The following TMEM184B variants were observed in gnomAD, a reference collection of about 807,000 sequenced individuals.
TMEM184B encodes the protein transmembrane protein 184B, also known as putative MAPK-activating protein FM08.
A neutral mutation model predicts 41.8 loss-of-function variants in TMEM184B; 17 were observed. The ratio of observed to expected loss-of-function variants is 0.41; its 90% CI spans 0.28 to 0.61. The LOEUF is 0.61. Among genes scored for constraint, TMEM184B ranks in the 20% least tolerant of loss-of-function variants. TMEM184B has a pLI of 0.34. For missense variants in TMEM184B, 393 were observed against 557.8 expected (o/e 0.70, Z 2.98); for synonymous variants, 240 against 229.5 (o/e 1.05, Z -0.41).
At chr22:38,265,621 T>C (rs1237751823) in intron 1 of TMEM184B, among the ~76,000 whole-genome samples, 2 of 152,204 alleles carry the variant, frequency 1.3e-5, no homozygotes, top group Non-Finnish European at 2.9e-5. Flanking sequence ...CATAAAACCA[T>C]ATATTTGAAA....
chr22:38,247,802 C>T lies in TMEM184B; in HGVS notation c.160G>A (p.Val54Met), dbSNP rs768457381. 35 of 1,613,790 alleles carry T rather than the reference C, an allele frequency of 2.2e-5. No individual in the cohort carries two copies. The highest frequency in any genetic ancestry group is 2.7e-5 in the African/African-American group (2 of 74,906). Reference protein sequence around the residue: ...TAAQAISGFFVWTALLITCHQ... With the variant: ...TAAQAISGFFMWTALLITCHQ... ...CATGTGATGAGCAGGGCCGTCCACA[C>T]GAAGAAGCCAGAGATGGCCTGAGCG... is the stretch of plus-strand genomic sequence containing the variant. The change falls in exon 2 of 9, where the codon GTG becomes ATG. Residue 54 changes from valine to methionine, a missense_variant. Transcript: ENST00000361906.
intron 3 of TMEM184B, among the ~76,000 whole-genome samples, chr22:38,235,194 A>C (rs1422495252): frequency 6.6e-6 from 1 of 152,062 alleles, no homozygotes; most frequent in Non-Finnish European, 1.5e-5. Flanking sequence ...GGGACACCCC[A>C]CTCTCATTCC....
At chr22:38,267,494 G>C (rs912479144) in intron 1 of TMEM184B, among the ~76,000 whole-genome samples, 1 of 150,222 alleles carries the variant, frequency 6.7e-6, no homozygotes, top group African/African-American at 2.5e-5. Context: ...GTGCAATGGC[G>C]TAGTCTCAGC....
In TMEM184B at chr22:38,257,845, T is replaced by G. The variant is rs138709534; in HGVS notation, c.-58-9826A>C. ...GATAGGGCTGTGTGATCCAAGGAAG[T>G]TTGGAGAGCAGTGCTATAGTGATAG... is the stretch of plus-strand genomic sequence containing the variant. On this transcript the variant is annotated intron_variant, in intron 1 of 8. Transcript: ENST00000361906. Among the ~76,000 whole-genome samples, 103 of 152,270 alleles carry G rather than the reference T, an allele frequency of 6.8e-4. 1 individual carries two copies. The East Asian group carries it at 0.019, about 28-fold the overall frequency.
intron 1 of TMEM184B, among the ~76,000 whole-genome samples, chr22:38,270,971 C>G (rs1376405445): frequency 6.6e-6 from 1 of 152,204 alleles, no homozygotes; most frequent in Non-Finnish European, 1.5e-5. Context: ...AGAACTAGGA[C>G]AAGTGGCTCA....
intron 1 of TMEM184B, among the ~76,000 whole-genome samples, chr22:38,266,924 AT>A (rs1252898522): frequency 1.3e-5 from 2 of 152,124 alleles, no homozygotes; most frequent in African/African-American, 2.4e-5. Context: ...TCTACTAAAA[AT>A]ACAAAAAATT....
Position 38,225,342 on chromosome 22 carries a change from G to A in TMEM184B, c.787+82C>T. 1 of 1,473,458 alleles carries A rather than the reference G, an allele frequency of 6.8e-7. No homozygotes were observed. Among genetic ancestry groups the A allele is most frequent in the East Asian group, 2.4e-5 (1 of 41,726 alleles). The allele number at this position is 1,473,458 out of a possible 1,614,324, so 91.3% of individuals were successfully genotyped here. ...CTCTGAACAGGCCCTACAGGCACCA[G>A]GGACCATAAGCAGAAGGGGCAGCAG... On this transcript the variant is annotated intron_variant, in intron 7 of 8. Transcript: ENST00000361906. The surrounding 1 kb of genome is among the most constrained non-coding windows in gnomAD (Gnocchi z 4.4).
At chr22:38,229,201 G>A (rs942351510) in intron 5 of TMEM184B, among the ~76,000 whole-genome samples, 2 of 152,234 alleles carry the variant, frequency 1.3e-5, no homozygotes, top group Non-Finnish European at 1.5e-5. Context: ...ATGTACTTTC[G>A]TGACTACTCT....
rs118076075 is a variant in TMEM184B, at chr22:38,233,590, C to G, written c.359-2256G>C. On this transcript the variant is annotated intron_variant, in intron 3 of 8. Transcript: ENST00000361906. ...CAAGTCTCCACCAATCTCCAGATGA[C>G]TCTTCACCAGCAAGAACTATGGGGC... Among the ~76,000 whole-genome samples the G allele has an allele frequency of 1.4e-4, 21 of 152,300 alleles. No individual in the cohort carries two copies. The East Asian group carries it at 3.5e-3, about 25-fold the overall frequency.
intron 3 of TMEM184B, among the ~76,000 whole-genome samples, chr22:38,234,068 C>T (rs2091707127): frequency 1.3e-5 from 1 of 78,504 alleles, no homozygotes; most frequent in Admixed American, 1.5e-4. Flanking sequence ...CGCGCCCGGC[C>T]GACGGTTGCA....
chr22:38,246,672 A>C lies in TMEM184B; in HGVS notation c.193-572T>G, dbSNP rs2092038130. On this transcript the variant is annotated intron_variant, in intron 2 of 8. Transcript: ENST00000361906. ...GTTGTGCCTCCTCCTCCCATCTGGT[A>C]AACAGAGGCAGCACCACTGCTGCTC... 11 of 591,158 alleles carry C rather than the reference A, an allele frequency of 1.9e-5. No homozygotes were observed. In the South Asian group the frequency reaches 2.6e-4, roughly 14 times the overall value. The allele number at this position is 591,158 out of a possible 1,614,324, so 36.6% of individuals were successfully genotyped here.
At position 38,219,662 on chromosome 22, in the gene TMEM184B, C is replaced by T; in HGVS notation, c.*1807G>A. 1 of 985,564 alleles carries T rather than the reference C, an allele frequency of 1.0e-6. No homozygotes were observed. The highest frequency in any genetic ancestry group is 1.2e-6 in the Non-Finnish European group (1 of 829,960). The allele number at this position is 985,564 out of a possible 1,614,324, so 61.1% of individuals were successfully genotyped here. On this transcript the variant is annotated 3_prime_UTR_variant, in exon 9 of 9. Transcript: ENST00000361906. ...CACTGAGCTCCCCCCACCCTCCACGCAAACAGCAACGCTGGGCAGGCGAAA... is the reference window on the plus strand; with the variant it reads ...CACTGAGCTCCCCCCACCCTCCACGTAAACAGCAACGCTGGGCAGGCGAAA...
chr22:38,269,964 T>C (rs1211899585), intron 1 of TMEM184B, among the ~76,000 whole-genome samples: 2 of 152,156 alleles, frequency 1.3e-5, no homozygotes, highest in Non-Finnish European at 2.9e-5. Flanking sequence ...GGGATGGTAA[T>C]ACTGCCCCAT....
intron 8 of TMEM184B, among the ~76,000 whole-genome samples, chr22:38,224,335 C>T (rs1455295111): frequency 1.3e-5 from 2 of 152,158 alleles, no homozygotes; most frequent in East Asian, 3.8e-4. Context: ...AGGATGGTCT[C>T]GATCTCCTGA....
In TMEM184B at chr22:38,225,412, G is replaced by A; in HGVS notation, c.787+12C>T. ...GGCATGGGCAGCCTCCAGGTGCTGG[G>A]AGGGGGCTCACCTTGCCAGAAGGAA... On this transcript the variant is annotated intron_variant, in intron 7 of 8. Coordinates refer to ENST00000361906, the MANE Select transcript of TMEM184B (RefSeq NM_012264.5). The surrounding 1 kb of genome is among the most constrained non-coding windows in gnomAD (Gnocchi z 4.4). 2 of 1,547,638 alleles carry A rather than the reference G, an allele frequency of 1.3e-6. No individual in the cohort carries two copies. The highest frequency in any genetic ancestry group is 1.7e-6 in the Non-Finnish European group (2 of 1,150,308).
At position 38,220,599 on chromosome 22, in the gene TMEM184B, AAGAG is replaced by A. The variant is rs1272758910; in HGVS notation, c.*866_*869del. 3 of 986,028 alleles carry A rather than the reference AAGAG, an allele frequency of 3.0e-6. No individual in the cohort carries two copies. The highest frequency in any genetic ancestry group is 1.1e-4 in the East Asian group (1 of 8,820). 61.1% of individuals were successfully genotyped at this position (986,028 alleles called of 1,614,324 possible). ...CCTGAAACGGGAGGGAGAAGCCCCAAAGAGAGAGAGGACCCAGCATCAGCCTGGG... is the reference window on the plus strand; with the variant it reads ...CCTGAAACGGGAGGGAGAAGCCCCAAAGAGAGGACCCAGCATCAGCCTGGG... On this transcript the variant is annotated 3_prime_UTR_variant, in exon 9 of 9. Transcript: ENST00000361906.
chr22:38,251,166 G>C (rs2092154067), intron 1 of TMEM184B, among the ~76,000 whole-genome samples: 1 of 152,192 alleles, frequency 6.6e-6, no homozygotes, highest in African/African-American at 2.4e-5. Flanking sequence ...CCATGGCTGG[G>C]AGTGTTTCCG....
intron 1 of TMEM184B, among the ~76,000 whole-genome samples, chr22:38,267,393 G>A (rs1569059744): frequency 6.6e-6 from 1 of 151,630 alleles, no homozygotes; most frequent in South Asian, 2.1e-4. Flanking sequence ...GAGCACCACC[G>A]GCTCCTGGAA....
chr22:38,226,170 C>T lies in TMEM184B; in HGVS notation c.618-577G>A, dbSNP rs1293860533. ...TCTTGGCTCACCGCAACCTCTGCCTCCTGGGTTCAAGCGATTCTCCTGCCT... is the reference window on the plus strand; with the variant it reads ...TCTTGGCTCACCGCAACCTCTGCCTTCTGGGTTCAAGCGATTCTCCTGCCT... On this transcript the variant is annotated intron_variant, in intron 6 of 8. Transcript: ENST00000361906. The surrounding 1 kb of genome is among the most constrained non-coding windows in gnomAD (Gnocchi z 4.6). 6.6e-6 allele frequency among the ~76,000 whole-genome samples: 1 copy of T among 151,884 alleles called. No homozygotes were observed. Among genetic ancestry groups the T allele is most frequent in the African/African-American group, 2.4e-5 (1 of 41,306 alleles).
Sources: gnomAD v4.1 joint callset for allele counts (sites outside exome capture counted in the v4.1 genomes callset) on GRCh38, gnomAD v4.1.1 for gene constraint, Gnocchi (gnomAD v3.1) non-coding constraint, MANE v1.5 for transcripts, NCBI Gene and HGNC (gene_info 2026-07-23, HGNC 2026-07-21) for gene names.